The following SLC20A2 variants were observed in gnomAD, a reference collection of about 807,000 sequenced individuals.
SLC20A2 encodes sodium-dependent phosphate transporter 2.
A neutral mutation model predicts 61.0 loss-of-function variants in SLC20A2; 30 were observed. The observed-to-expected ratio is 0.49, with a 90% CI of 0.37 to 0.67. The LOEUF is 0.67. Ranked by LOEUF, SLC20A2 falls within the 30% of genes least tolerant of loss-of-function variation. The probability of loss-of-function intolerance (pLI) is 0.00; values close to 1 mark genes in which losing one functional copy is unlikely to be tolerated. For synonymous variants in SLC20A2, 351 were observed against 353.3 expected (o/e 0.99, Z 0.07); for missense variants, 626 against 866.4 (o/e 0.72, Z 3.48).
At chr8:42,490,393 T>C (rs1586189567) in intron 1 of SLC20A2, among the ~76,000 whole-genome samples, 1 of 150,934 alleles carries the variant, frequency 6.6e-6, no homozygotes, top group African/African-American at 2.4e-5. Context: ...AGGCCAGGAG[T>C]TCAAGACCAG....
chr8:42,501,387 G>T (rs1162855053), upstream of SLC20A2: 1 of 152,214 alleles, frequency 6.6e-6, no homozygotes, highest in Non-Finnish European at 1.5e-5. Context: ...CTTCTTTTAA[G>T]TTGTTTTTGC....
intron 5 of SLC20A2, among the ~76,000 whole-genome samples, chr8:42,450,563 G>A (rs1307828631): frequency 1.3e-5 from 2 of 150,602 alleles, no homozygotes; most frequent in African/African-American, 4.9e-5. Context: ...TCGCTCTGTC[G>A]CCCAGGCTGG....
At chr8:42,485,252 T>C (rs1405264701) in intron 1 of SLC20A2, among the ~76,000 whole-genome samples, 1 of 152,076 alleles carries the variant, frequency 6.6e-6, no homozygotes, top group East Asian at 1.9e-4. Context: ...CACGGGGTAA[T>C]GGACACAATG....
chr8:42,539,744 G>A (rs1237182290), intron 1 of SLC20A2, among the ~76,000 whole-genome samples: 2 of 152,074 alleles, frequency 1.3e-5, no homozygotes, highest in Non-Finnish European at 2.9e-5. Flanking sequence ...GACCATTAGG[G>A]CTTTCTCAAT....
chr8:42,432,879 T>C (rs1317992870), intron 8 of SLC20A2, among the ~76,000 whole-genome samples: 1 of 152,226 alleles, frequency 6.6e-6, no homozygotes, highest in East Asian at 1.9e-4. Flanking sequence ...TACAGAAACA[T>C]AACTTTTCTA....
At chr8:42,493,357 C>T (rs62509285) in intron 1 of SLC20A2, among the ~76,000 whole-genome samples, 44,617 of 151,592 alleles carry the variant, frequency 0.29, 7,034 homozygotes, top group East Asian at 0.41. Flanking sequence ...ATGTAGTGAA[C>T]GCTGGTGAGA....
At chr8:42,487,176 CTTTTTTTTTTT>C (rs553949254) in intron 1 of SLC20A2, among the ~76,000 whole-genome samples, 1 of 98,084 alleles carries the variant, frequency 1.0e-5, no homozygotes, top group East Asian at 2.9e-4. Context: ...TGGTTTCTTT[CTTTTTTTTTTT>C]TTTTTTTTGA....
At chr8:42,476,383 T>G (rs1017136295) in intron 1 of SLC20A2, among the ~76,000 whole-genome samples, 52 of 152,152 alleles carry the variant, frequency 3.4e-4, no homozygotes, top group African/African-American at 1.2e-3. Flanking sequence ...GATTACAGGC[T>G]TGAGCCACCG....
chr8:42,485,093 G>A (rs1271112208), intron 1 of SLC20A2: 2 of 187,694 alleles, frequency 1.1e-5, no homozygotes, highest in Admixed American at 1.2e-4. Context: ...CAGAGGTCAG[G>A]ACAATCACAG....
intron 6 of SLC20A2, among the ~76,000 whole-genome samples, chr8:42,443,305 A>T (rs1401399485): frequency 4.1e-5 from 5 of 122,068 alleles, no homozygotes; most frequent in African/African-American, 1.5e-4. Context: ...ATATATATAT[A>T]TATAATAAAA....
intron 4 of SLC20A2, among the ~76,000 whole-genome samples, chr8:42,461,698 G>A (rs1417735721): frequency 2.6e-5 from 4 of 151,882 alleles, no homozygotes; most frequent in Non-Finnish European, 2.9e-5. Context: ...GTGATCCACC[G>A]CGCCTGGCCT....
intron 1 of SLC20A2, among the ~76,000 whole-genome samples, chr8:42,507,993 CG>C (rs1810810699): frequency 6.6e-6 from 1 of 151,846 alleles, no homozygotes. Context: ...AACCCCATCT[CG>C]ACTAAAAATA....
At chr8:42,474,837 T>C (rs71521586) in intron 1 of SLC20A2, among the ~76,000 whole-genome samples, 8,524 of 149,154 alleles carry the variant, frequency 0.057, 372 homozygotes, top group Non-Finnish European at 0.08. Flanking sequence ...CCACACAGTG[T>C]CGTGAGAGCA....
intron 5 of SLC20A2, among the ~76,000 whole-genome samples, chr8:42,454,498 G>A (rs1356777517): frequency 6.6e-6 from 1 of 152,114 alleles, no homozygotes; most frequent in East Asian, 1.9e-4. Context: ...TTTGGGAGGG[G>A]AGGTGATGTC....
At chr8:42,526,392 G>T (rs1232835564) in intron 1 of SLC20A2, among the ~76,000 whole-genome samples, 3 of 151,952 alleles carry the variant, frequency 2.0e-5, no homozygotes, top group Non-Finnish European at 2.9e-5. Context: ...CATCACAGCC[G>T]GCTGGGTGTG....
At chr8:42,451,964 G>A in intron 5 of SLC20A2, among the ~76,000 whole-genome samples, 1 of 124,158 alleles carries the variant, frequency 8.1e-6, no homozygotes, top group Non-Finnish European at 1.7e-5. Context: ...AGAGGAGGAG[G>A]AGGAAGAGAT....
intron 5 of SLC20A2, among the ~76,000 whole-genome samples, chr8:42,453,962 G>C (rs931286816): frequency 3.3e-5 from 5 of 152,062 alleles, no homozygotes; most frequent in Non-Finnish European, 7.4e-5. Context: ...AGATACTGGC[G>C]GCCAACTTAA....
At chr8:42,476,084 C>A (rs1180304781) in intron 1 of SLC20A2, among the ~76,000 whole-genome samples, 1 of 42,098 alleles carries the variant, frequency 2.4e-5, no homozygotes, top group Non-Finnish European at 4.5e-5. Context: ...TTTACTGTGT[C>A]TTTTTTTTTT....
At chr8:42,475,559 G>A (rs1425869181) in intron 1 of SLC20A2, among the ~76,000 whole-genome samples, 3 of 151,884 alleles carry the variant, frequency 2.0e-5, no homozygotes, top group African/African-American at 4.8e-5. Context: ...ACAGGCACCC[G>A]CCATCATGCC....
Sources: allele counts gnomAD v4.1 joint callset (sites outside exome capture counted in the v4.1 genomes callset), GRCh38; gene constraint gnomAD v4.1.1; transcripts MANE v1.5; gene names NCBI Gene and HGNC (gene_info 2026-07-23, HGNC 2026-07-21).